The following KCNH8 variants were observed in gnomAD, a reference collection of about 807,000 sequenced individuals.
The protein encoded by KCNH8 is potassium voltage-gated channel subfamily H member 8.
KCNH8 carries 70 observed loss-of-function variants against 103.6 expected under a neutral mutation model. That is an observed-to-expected ratio of 0.68 (90% CI 0.56 to 0.82). The LOEUF (loss-of-function observed/expected upper bound fraction) is 0.82. Among genes scored for constraint, KCNH8 ranks in the 40% least tolerant of loss-of-function variants. The pLI, the probability that KCNH8 is intolerant of heterozygous loss-of-function variation, is 0.00. For synonymous variants in KCNH8, 498 were observed against 489.4 expected (o/e 1.02, Z -0.23); for missense variants, 1,217 against 1,329.9 (o/e 0.92, Z 1.32).
Position 19,375,228 on chromosome 3 carries a change from C to G in KCNH8, c.812-15253C>G, listed in dbSNP as rs534794864. On this transcript the variant is annotated intron_variant, in intron 5 of 15. Coordinates refer to ENST00000328405, the MANE Select transcript of KCNH8 (RefSeq NM_144633.3). Reference sequence around the variant, plus strand: ...TCCAGGTTGGTTCCATTCTCCCCATCACTTTCAGGTACACCAATCAGACGT... The same window carrying G: ...TCCAGGTTGGTTCCATTCTCCCCATGACTTTCAGGTACACCAATCAGACGT... Among the ~76,000 whole-genome samples, 950 of 152,076 alleles carry G rather than the reference C, an allele frequency of 6.2e-3. 9 individuals carry two copies. Among genetic ancestry groups the G allele is most frequent in the African/African-American group, 0.021 (880 of 41,376 alleles).
intron 3 of KCNH8, among the ~76,000 whole-genome samples, chr3:19,318,781 G>T (rs535784692): frequency 6.6e-6 from 1 of 151,496 alleles, no homozygotes; most frequent in South Asian, 2.1e-4. Context: ...CAGTGTAAAG[G>T]TGTTCCCTTT....
chr3:19,213,973 TAG>T (rs2063794586), intron 1 of KCNH8, among the ~76,000 whole-genome samples: 2 of 152,192 alleles, frequency 1.3e-5, no homozygotes, highest in African/African-American at 4.8e-5. Context: ...TAGGCATGGC[TAG>T]CACCCACTGA....
chr3:19,465,921 CTTCT>C (rs1341892457), intron 11 of KCNH8, among the ~76,000 whole-genome samples: 3 of 152,074 alleles, frequency 2.0e-5, no homozygotes, highest in Admixed American at 2.0e-4. Context: ...TAAGAAGTTG[CTTCT>C]TTATTTTATT....
At chr3:19,237,525 C>T (rs1221818289) in intron 1 of KCNH8, among the ~76,000 whole-genome samples, 1 of 152,212 alleles carries the variant, frequency 6.6e-6, no homozygotes, top group East Asian at 1.9e-4. Context: ...TAAAGGGCAA[C>T]TGCAGTGGGC....
intron 1 of KCNH8, among the ~76,000 whole-genome samples, chr3:19,215,399 A>C (rs557447158): frequency 6.6e-5 from 10 of 152,330 alleles, no homozygotes; most frequent in Admixed American, 5.2e-4. Flanking sequence ...GAGAACCATG[A>C]GGACCTAGAT....
intron 7 of KCNH8, among the ~76,000 whole-genome samples, chr3:19,423,354 A>T (rs911270388): frequency 3.9e-5 from 6 of 151,988 alleles, no homozygotes; most frequent in Admixed American, 6.6e-5. Flanking sequence ...GTTCTTTAGT[A>T]GTGATTTCTG....
intron 1 of KCNH8, among the ~76,000 whole-genome samples, chr3:19,197,290 G>C (rs7634126): frequency 0.12 from 18,687 of 151,828 alleles, 3,786 homozygotes; most frequent in African/African-American, 0.42. Flanking sequence ...CTTATTCTTA[G>C]TCATCTTTGT....
intron 3 of KCNH8, among the ~76,000 whole-genome samples, chr3:19,297,628 A>G (rs1418032976): frequency 6.6e-6 from 1 of 152,202 alleles, no homozygotes; most frequent in East Asian, 1.9e-4. Context: ...AGTCTACTGA[A>G]GGTATGGCAC....
chr3:19,430,954 T>C (rs560546396), intron 7 of KCNH8, among the ~76,000 whole-genome samples: 5 of 152,198 alleles, frequency 3.3e-5, no homozygotes, highest in Non-Finnish European at 7.3e-5. Flanking sequence ...ACTTCCTCTC[T>C]TTCTATTTGA....
At chr3:19,328,327 G>A (rs1262734624) in intron 3 of KCNH8, among the ~76,000 whole-genome samples, 4 of 152,042 alleles carry the variant, frequency 2.6e-5, no homozygotes, top group Admixed American at 1.3e-4. Context: ...ATTGTCTAAT[G>A]TTTCTGATGG....
chr3:19,443,423 CAT>C (rs970292320), intron 8 of KCNH8, among the ~76,000 whole-genome samples: 4 of 150,104 alleles, frequency 2.7e-5, no homozygotes, highest in African/African-American at 4.9e-5. Flanking sequence ...TATATATACA[CAT>C]ATGTGTGTGT....
chr3:19,256,710 C>T (rs1287599870), intron 2 of KCNH8, among the ~76,000 whole-genome samples: 1 of 151,922 alleles, frequency 6.6e-6, no homozygotes, highest in Non-Finnish European at 1.5e-5. Context: ...GAAAGTATGG[C>T]GTACAGGTTG....
At chr3:19,179,682 T>C (rs1464215100) in intron 1 of KCNH8, among the ~76,000 whole-genome samples, 1 of 152,114 alleles carries the variant, frequency 6.6e-6, no homozygotes, top group Non-Finnish European at 1.5e-5. Context: ...TAACAGATAG[T>C]GTTATTTAAG....
chr3:19,528,084 A>C (rs1439445050), intron 15 of KCNH8, among the ~76,000 whole-genome samples: 5 of 151,986 alleles, frequency 3.3e-5, no homozygotes, highest in Non-Finnish European at 1.5e-5. Flanking sequence ...GAAGAATAAG[A>C]AGGAGAAGGG....
At chr3:19,167,868 T>C (rs1168543978) in intron 1 of KCNH8, among the ~76,000 whole-genome samples, 1 of 152,182 alleles carries the variant, frequency 6.6e-6, no homozygotes, top group Non-Finnish European at 1.5e-5. Context: ...CATTTGTGTG[T>C]GTTTGTGTGT....
intron 11 of KCNH8, among the ~76,000 whole-genome samples, chr3:19,499,620 T>G (rs1183152990): frequency 1.3e-5 from 2 of 151,752 alleles, no homozygotes; most frequent in Non-Finnish European, 2.9e-5. Flanking sequence ...CAGAAGAGAG[T>G]GGGGGCCAAT....
At chr3:19,150,092 C>A (rs2063113956) in intron 1 of KCNH8, among the ~76,000 whole-genome samples, 1 of 152,122 alleles carries the variant, frequency 6.6e-6, no homozygotes, top group South Asian at 2.1e-4. Flanking sequence ...GTGTTTTTAT[C>A]TTTACATCTA....
chr3:19,340,758 G>T (rs1362117350), intron 3 of KCNH8, among the ~76,000 whole-genome samples: 2 of 152,104 alleles, frequency 1.3e-5, no homozygotes, highest in Non-Finnish European at 2.9e-5. Context: ...AGGGCATAAT[G>T]TCTAGACACC....
At chr3:19,524,496 C>CA (rs2069028492) in intron 15 of KCNH8, among the ~76,000 whole-genome samples, 1 of 151,538 alleles carries the variant, frequency 6.6e-6, no homozygotes, top group South Asian at 2.1e-4. Context: ...GGTTATTTTC[C>CA]AGTTCTTAAG....
Sources: allele counts gnomAD v4.1 joint callset (sites outside exome capture counted in the v4.1 genomes callset), GRCh38; gene constraint gnomAD v4.1.1; transcripts MANE v1.5; gene names NCBI Gene and HGNC (gene_info 2026-07-23, HGNC 2026-07-21).